Variants in NFAT5 observed in about 807,000 individuals in gnomAD.
NFAT5 encodes nuclear factor of activated T cells 5, also known as nuclear factor of activated T-cells 5.
In NFAT5, 31 loss-of-function variants were observed where a neutral mutation model predicts 166.5. The observed-to-expected ratio is 0.19, with a 90% confidence interval of 0.14 to 0.25. The LOEUF (loss-of-function observed/expected upper bound fraction) is 0.25. Ranked by LOEUF, NFAT5 falls within the 10% of genes least tolerant of loss-of-function variation. The pLI, the probability that NFAT5 is intolerant of heterozygous loss-of-function variation, is 1.00. For synonymous variants in NFAT5, 612 were observed against 639.7 expected, an observed-to-expected ratio of 0.96 and a Z score of 0.65; for missense variants, 1,449 against 1,821.8, an observed-to-expected ratio of 0.80 and a Z score of 3.72.
chr16:69,639,426 A>G (rs941694470), intron 3 of NFAT5, among the ~76,000 whole-genome samples: 1 of 152,194 alleles, frequency 6.6e-6, no homozygotes, highest in African/African-American at 2.4e-5. Context: ...TTTAAGGAGA[A>G]TTCAGATTAA....
At chr16:69,581,728 G>A in intron 2 of NFAT5, among the ~76,000 whole-genome samples, 1 of 152,132 alleles carries the variant, frequency 6.6e-6, no homozygotes, top group East Asian at 1.9e-4. Context: ...CTAGACAGTA[G>A]TATTAATATA....
At chr16:69,649,586 A>AGGCCGGGCGCGGTGGCT in intron 4 of NFAT5, 2 of 972,448 alleles carry the variant, frequency 2.1e-6, no homozygotes, top group Non-Finnish European at 2.4e-6. Context: ...AAAATATTTG[A>AGGCCGGGCGCGGTGGCT]AACTAGTATA....
intron 4 of NFAT5, chr16:69,648,751 C>T (rs549432353): frequency 1.2e-4 from 113 of 972,862 alleles, no homozygotes; most frequent in Non-Finnish European, 1.4e-4. Flanking sequence ...GGATCTCCTA[C>T]AATTTCAGTT....
At chr16:69,620,807 G>A (rs2034163079) in intron 2 of NFAT5, among the ~76,000 whole-genome samples, 1 of 152,142 alleles carries the variant, frequency 6.6e-6, no homozygotes, top group Non-Finnish European at 1.5e-5. Context: ...CTTCCTTTGG[G>A]CAGATATTCC....
intron 2 of NFAT5, among the ~76,000 whole-genome samples, chr16:69,581,560 C>T (rs1260223012): frequency 6.6e-6 from 1 of 152,064 alleles, no homozygotes; most frequent in African/African-American, 2.4e-5. Flanking sequence ...TCATTTTTAC[C>T]AGCAGTGTAT....
At position 69,693,270 on chromosome 16, in the gene NFAT5, G is replaced by A. The variant is rs2037627996; in HGVS notation, c.3445G>A (p.Val1149Ile). 1 of 1,614,182 alleles carries A rather than the reference G, an allele frequency of 6.2e-7. No homozygotes were observed. Among genetic ancestry groups the A allele is most frequent in the East Asian group, 2.2e-5 (1 of 44,894 alleles). Residue 1149 changes from valine (V) to isoleucine (I), a missense_variant, in exon 13 of 15, where the codon GTT becomes ATT. Transcript: ENST00000349945. Reference protein sequence around the residue: ...STIAVLQGSSVPQDQQSTNIF... With the variant: ...STIAVLQGSSIPQDQQSTNIF... ...CATTGCTGTGTTACAGGGCTCTTCAGTTCCTCAAGACCAGCAGTCAACCAA... is the reference window on the plus strand; with the variant it reads ...CATTGCTGTGTTACAGGGCTCTTCAATTCCTCAAGACCAGCAGTCAACCAA...
chr16:69,664,431 C>G (rs538504470), intron 7 of NFAT5, among the ~76,000 whole-genome samples: 1 of 152,168 alleles, frequency 6.6e-6, no homozygotes, highest in East Asian at 1.9e-4. Context: ...ACTACAGGTG[C>G]CCATTACCAC....
Position 69,670,279 on chromosome 16 carries a change from A to G in NFAT5, c.1548A>G (p.Leu516=). The part of the protein sequence containing the change: ...WKSEAEIDME[L]FHQNHLIVKV... Reference sequence around the variant, plus strand: ...CAGAAGCTGAAATTGATATGGAACTATTTCATCAGGTAAAATTTAAGCTTT... The same window carrying G: ...CAGAAGCTGAAATTGATATGGAACTGTTTCATCAGGTAAAATTTAAGCTTT... Residue 516 remains leucine (L), a synonymous_variant, in exon 9 of 15, where the codon CTA becomes CTG. Transcript: ENST00000349945. 6.4e-7 allele frequency: 1 copy of G among 1,572,186 alleles called. No homozygotes were observed. Among genetic ancestry groups the G allele is most frequent in the South Asian group, 1.2e-5 (1 of 85,472 alleles).
chr16:69,636,518 G>A (rs1375396759), intron 3 of NFAT5, among the ~76,000 whole-genome samples: 1 of 152,208 alleles, frequency 6.6e-6, no homozygotes, highest in Non-Finnish European at 1.5e-5. Flanking sequence ...ACTTGCCAGG[G>A]CATCCAGGGG....
intron 9 of NFAT5, among the ~76,000 whole-genome samples, chr16:69,671,784 A>T (rs1403665647): frequency 1.3e-5 from 2 of 152,228 alleles, no homozygotes; most frequent in Admixed American, 6.5e-5. Context: ...CCTCAGGAAG[A>T]CATTACCATC....
chr16:69,667,923 C>A (rs1234685121), intron 7 of NFAT5, among the ~76,000 whole-genome samples: 3 of 152,048 alleles, frequency 2.0e-5, no homozygotes, highest in Non-Finnish European at 4.4e-5. Flanking sequence ...CACACATTTA[C>A]CCTATAGGTT....
At chr16:69,620,046 A>G (rs969534935) in intron 2 of NFAT5, among the ~76,000 whole-genome samples, 75 of 152,236 alleles carry the variant, frequency 4.9e-4, no homozygotes, top group Non-Finnish European at 1.8e-4. Context: ...GAATGACTAA[A>G]CAAGCCAACC....
chr16:69,635,767 C>G (rs1223533229), intron 3 of NFAT5, among the ~76,000 whole-genome samples: 3 of 152,048 alleles, frequency 2.0e-5, no homozygotes, highest in Admixed American at 6.6e-5. Context: ...AGACCAGCCC[C>G]CATGATTCAC....
intron 2 of NFAT5, among the ~76,000 whole-genome samples, chr16:69,598,380 TAAAAAAAAA>T (rs374912279): frequency 3.0e-4 from 36 of 118,984 alleles, no homozygotes; most frequent in African/African-American, 1.0e-3. Flanking sequence ...CCTGTCTCTT[TAAAAAAAAA>T]AAAAAAAAAA....
At chr16:69,669,898 C>A in intron 7 of NFAT5, 79 bp from the exon 8 acceptor site, 1 of 1,269,426 alleles carries the variant, frequency 7.9e-7, no homozygotes, top group Non-Finnish European at 1.1e-6. Context: ...ACTCATAGAA[C>A]CGGATGATTG....
intron 7 of NFAT5, among the ~76,000 whole-genome samples, chr16:69,662,446 CTT>C (rs1439485760): frequency 7.6e-6 from 1 of 130,964 alleles, no homozygotes; most frequent in Non-Finnish European, 1.6e-5. Context: ...GACAACACCT[CTT>C]TCTTTTTTTT....
intron 2 of NFAT5, among the ~76,000 whole-genome samples, chr16:69,590,736 A>G (rs1447209980): frequency 6.6e-6 from 1 of 152,202 alleles, no homozygotes; most frequent in Non-Finnish European, 1.5e-5. Context: ...TTTGCTGAAC[A>G]TATTTTTAAA....
At chr16:69,650,067 A>T (rs2035602878) in intron 4 of NFAT5, among the ~76,000 whole-genome samples, 1 of 151,944 alleles carries the variant, frequency 6.6e-6, no homozygotes, top group African/African-American at 2.4e-5. Context: ...TCTTCTAGAT[A>T]TTTCTATAAG....
intron 2 of NFAT5, among the ~76,000 whole-genome samples, chr16:69,578,359 T>A (rs1010258684): frequency 6.6e-6 from 1 of 152,208 alleles, no homozygotes; most frequent in Non-Finnish European, 1.5e-5. Context: ...TAACTATGTA[T>A]CATAAATACT....
Sources: gnomAD v4.1 joint callset for allele counts (sites outside exome capture counted in the v4.1 genomes callset) on GRCh38, gnomAD v4.1.1 for gene constraint, MANE v1.5 for transcripts, NCBI Gene and HGNC (gene_info 2026-07-23, HGNC 2026-07-21) for gene names.